DCAF4: variants seen among roughly 807,000 people sequenced by gnomAD.
The protein encoded by DCAF4 is DDB1 and CUL4 associated factor 4.
DCAF4 carries 37 observed loss-of-function variants against 60.9 expected under a neutral mutation model. That is an observed-to-expected ratio of 0.61 (90% CI 0.47 to 0.80). The LOEUF is 0.80. Ranked by LOEUF, DCAF4 falls within the 30% of genes least tolerant of loss-of-function variation. DCAF4 has a pLI of 0.00. For synonymous variants in DCAF4, 243 were observed against 254.8 expected (o/e 0.95, Z 0.44); for missense variants, 577 against 650.0 (o/e 0.89, Z 1.22).
chr14:72,945,426 CT>C (rs1336239881), intron 6 of DCAF4, among the ~76,000 whole-genome samples: 2 of 149,946 alleles, frequency 1.3e-5, no homozygotes, highest in Admixed American at 1.3e-4. Context: ...TGAATGCAGT[CT>C]TTTTCTATTG....
chr14:72,938,676 G>A (rs1889618676), intron 2 of DCAF4, among the ~76,000 whole-genome samples: 1 of 152,120 alleles, frequency 6.6e-6, no homozygotes, highest in Non-Finnish European at 1.5e-5. Flanking sequence ...AATGCTAGAG[G>A]CAGTCAGTAC....
chr14:72,955,834 C>A, intron 12 of DCAF4, 138 bp downstream of exon 12: 1 of 771,194 alleles, frequency 1.3e-6, no homozygotes, highest in South Asian at 1.7e-5. Flanking sequence ...GATTTGTAGG[C>A]CCTGCATGGG....
chr14:72,951,840 C>T lies in DCAF4; in HGVS notation c.771C>T (p.Thr257=). The change falls in exon 9 of 14, where the codon ACC becomes ACT. Residue 257 remains threonine (T), a synonymous_variant. Transcript: ENST00000358377. ...TCGCAGAGACTCCAGGCTGTGCCAC[C>T]CTGCTCCCAGCATCACTGTTCGTCA... The part of the protein sequence containing the change: ...MGLAETPGCA[T]LLPASLFVNS... The T allele has an allele frequency of 6.2e-7, 1 of 1,614,106 alleles. No individual in the cohort carries two copies.
At chr14:72,952,326 G>T (rs1021863376) in intron 9 of DCAF4, among the ~76,000 whole-genome samples, 2 of 152,220 alleles carry the variant, frequency 1.3e-5, no homozygotes, top group African/African-American at 4.8e-5. Flanking sequence ...CCTCTTAAGA[G>T]TGTGGGCTTC....
chr14:72,936,454 C>T (rs1889281599), intron 1 of DCAF4, among the ~76,000 whole-genome samples: 1 of 151,828 alleles, frequency 6.6e-6, no homozygotes. Context: ...GTCCCAGCTA[C>T]TCGGGAGGCT....
intron 6 of DCAF4, among the ~76,000 whole-genome samples, chr14:72,944,027 C>T (rs1233288208): frequency 3.3e-5 from 5 of 152,128 alleles, no homozygotes; most frequent in Admixed American, 2.6e-4. Flanking sequence ...TGAGTAGAAT[C>T]GTCTCTTGTG....
chr14:72,938,566 G>A (rs139278582), intron 2 of DCAF4, among the ~76,000 whole-genome samples: 1 of 152,224 alleles, frequency 6.6e-6, no homozygotes, highest in East Asian at 1.9e-4. Flanking sequence ...TAGCACATAC[G>A]TAACACAAAC....
chr14:72,952,029 T>C (rs1891490123), intron 9 of DCAF4, 152 bp downstream of exon 9: 1 of 760,418 alleles, frequency 1.3e-6, no homozygotes, highest in Admixed American at 2.6e-5. Context: ...CATGTGTTTT[T>C]TTTACAGCAT....
chr14:72,941,077 C>T (rs1036348581), intron 4 of DCAF4, among the ~76,000 whole-genome samples: 4 of 151,996 alleles, frequency 2.6e-5, no homozygotes, highest in Non-Finnish European at 5.9e-5. Context: ...GATCCTCCTG[C>T]CTCAGCCTCC....
chr14:72,960,234 C>T (rs1892761616), downstream of DCAF4, among the ~76,000 whole-genome samples: 1 of 151,840 alleles, frequency 6.6e-6, no homozygotes, highest in Admixed American at 6.6e-5. Flanking sequence ...ACCGCACCCT[C>T]CACCTCCTGG....
intron 8 of DCAF4, among the ~76,000 whole-genome samples, chr14:72,948,040 T>C (rs1890967362): frequency 6.6e-6 from 1 of 152,190 alleles, no homozygotes; most frequent in Non-Finnish European, 1.5e-5. Context: ...ACTTCCTGAG[T>C]TGTGGTGAGA....
In DCAF4 at chr14:72,955,591, A is replaced by C; in HGVS notation, c.1074A>C (p.Gln358His). The C allele has an allele frequency of 2.5e-6, 4 of 1,614,170 alleles. No individual in the cohort carries two copies. Among genetic ancestry groups the C allele is most frequent in the Non-Finnish European group, 3.4e-6 (4 of 1,180,030 alleles). Residue 358 changes from glutamine (Q) to histidine (H), a missense_variant, in exon 12 of 14, where the codon CAA (glutamine) becomes CAC (histidine). Gln to His is a conservative substitution (Grantham distance 24, BLOSUM62 0). Transcript: ENST00000358377. ...CCATTGATCTGCGTTGTGGAAATCA[A>C]GGCAAGGGATGGAAGGCCACCCGCC... ...IFAIDLRCGN[Q>H]GKGWKATRLF...
At chr14:72,953,667 G>A (rs1891736387) in intron 9 of DCAF4, among the ~76,000 whole-genome samples, 4 of 120,858 alleles carry the variant, frequency 3.3e-5, no homozygotes, top group South Asian at 5.9e-4. Flanking sequence ...CCATGATCAC[G>A]CCACTGCACT....
At chr14:72,929,750 T>G in intron 1 of DCAF4, 3 of 1,035,352 alleles carry the variant, frequency 2.9e-6, no homozygotes, top group Non-Finnish European at 4.6e-6. Context: ...AGACCTTCAG[T>G]GACTCCATGG....
At chr14:72,955,961 C>T (rs1280762476) in intron 12 of DCAF4, among the ~76,000 whole-genome samples, 2 of 120,214 alleles carry the variant, frequency 1.7e-5, no homozygotes, top group African/African-American at 3.4e-5. Flanking sequence ...CTTGCTCTGT[C>T]GCCCGGGCTG....
intron 4 of DCAF4, 42 bp downstream of exon 4, chr14:72,940,419 G>A: frequency 6.4e-7 from 1 of 1,565,392 alleles, no homozygotes; most frequent in Non-Finnish European, 8.6e-7. Flanking sequence ...CTCCGCTCCT[G>A]CCAGCACCTG....
At chr14:72,929,390 C>CTGGCT (rs1276096160) in intron 1 of DCAF4, among the ~76,000 whole-genome samples, 1 of 152,208 alleles carries the variant, frequency 6.6e-6, no homozygotes, top group Non-Finnish European at 1.5e-5. Flanking sequence ...TGGGCACATA[C>CTGGCT]TGGCTCTCTG....
intron 12 of DCAF4, 30 bp from the exon 13 acceptor site, chr14:72,956,356 C>G (rs1892296561): frequency 4.5e-6 from 7 of 1,556,738 alleles, no homozygotes; most frequent in African/African-American, 1.4e-5. Context: ...CCTGGCCCCT[C>G]CCTGATGGCC....
chr14:72,936,263 A>C (rs905408197), intron 1 of DCAF4, among the ~76,000 whole-genome samples: 15 of 152,222 alleles, frequency 9.9e-5, no homozygotes, highest in African/African-American at 3.6e-4. Context: ...TAGGACAATG[A>C]ATAAGATAAA....
Sources: gnomAD v4.1 joint callset for allele counts (sites outside exome capture counted in the v4.1 genomes callset) on GRCh38, gnomAD v4.1.1 for gene constraint, MANE v1.5 for transcripts, NCBI Gene and HGNC (gene_info 2026-07-23, HGNC 2026-07-21) for gene names.